Variants in MGAT4C observed in about 807,000 individuals in gnomAD.
MGAT4C encodes MGAT4 family member C.
A neutral mutation model predicts 40.1 loss-of-function variants in MGAT4C; 19 were observed. The observed-to-expected ratio is 0.47, with a 90% CI of 0.33 to 0.70. The LOEUF is 0.70. Ranked by LOEUF, MGAT4C falls within the 30% of genes least tolerant of loss-of-function variation. The pLI is 0.02. For synonymous variants in MGAT4C, 181 were observed against 187.1 expected (o/e 0.97, Z 0.27); for missense variants, 491 against 563.2 (o/e 0.87, Z 1.30).
At chr12:86,758,060 G>A (rs1177790053) in intron 1 of MGAT4C, among the ~76,000 whole-genome samples, 1 of 151,986 alleles carries the variant, frequency 6.6e-6, no homozygotes, top group Admixed American at 6.6e-5. Flanking sequence ...ATATTATATT[G>A]AGCACAATCC....
chr12:86,194,131 C>G (rs969011495), intron 1 of MGAT4C, among the ~76,000 whole-genome samples: 5 of 152,110 alleles, frequency 3.3e-5, no homozygotes. Context: ...AACTCTTACT[C>G]TATGTTCTTA....
chr12:86,482,932 T>A (rs1957960510), intron 2 of MGAT4C, among the ~76,000 whole-genome samples: 1 of 152,244 alleles, frequency 6.6e-6, no homozygotes, highest in Non-Finnish European at 1.5e-5. Flanking sequence ...CTAATATTTC[T>A]TTCTTGTATT....
intron 1 of MGAT4C, among the ~76,000 whole-genome samples, chr12:86,153,567 AG>A (rs1304473063): frequency 6.6e-6 from 1 of 152,208 alleles, no homozygotes; most frequent in African/African-American, 2.4e-5. Context: ...CCATGCATCC[AG>A]GTAGGGACCT....
At chr12:86,464,786 A>G (rs1957655779) in intron 2 of MGAT4C, among the ~76,000 whole-genome samples, 1 of 152,180 alleles carries the variant, frequency 6.6e-6, no homozygotes, top group Admixed American at 6.5e-5. Flanking sequence ...TATATTAACT[A>G]TGAAAGATAA....
At chr12:86,376,789 A>G (rs376635012) in intron 3 of MGAT4C, among the ~76,000 whole-genome samples, 4 of 145,456 alleles carry the variant, frequency 2.7e-5, no homozygotes, top group South Asian at 2.3e-4. Context: ...AGAGAGAGAG[A>G]CAGAGAGAGA....
rs560751374 is a variant in MGAT4C, at chr12:86,749,412, T to G, written c.-261-22171A>C. On this transcript the variant is annotated intron_variant, in intron 1 of 7. Coordinates refer to the MGAT4C transcript ENST00000548651. ...AGATGTCTAATGTAAACCCTATACC[T>G]TCATTCAATTGTTTTATGAGGAAAT... Among the ~76,000 whole-genome samples the G allele has an allele frequency of 1.3e-4, 19 of 151,834 alleles. 1 individual carries two copies. In the South Asian group the frequency reaches 3.7e-3, roughly 30 times the overall value.
chr12:86,197,313 A>G (rs1486872280), intron 1 of MGAT4C, among the ~76,000 whole-genome samples: 2 of 152,206 alleles, frequency 1.3e-5, no homozygotes, highest in African/African-American at 2.4e-5. Flanking sequence ...ATTTATCTGT[A>G]TATATGTATG....
rs144035235 is a variant in MGAT4C, at chr12:86,621,038, C to T, written c.-229+106171G>A. ...CAGGTATGGTATGTCTTCATATCAA[C>T]GTGAGAATGAACTAATATGTCCATG... On this transcript the variant is annotated intron_variant, in intron 2 of 7. Coordinates refer to the MGAT4C transcript ENST00000548651. Among the ~76,000 whole-genome samples, 104 of 152,098 alleles carry T rather than the reference C, an allele frequency of 6.8e-4. 2 individuals carry two copies. The highest frequency in any genetic ancestry group is 2.3e-3 in the African/African-American group (97 of 41,492).
intron 3 of MGAT4C, among the ~76,000 whole-genome samples, chr12:86,391,611 T>C (rs1461679685): frequency 2.6e-5 from 4 of 152,050 alleles, no homozygotes; most frequent in Non-Finnish European, 4.4e-5. Context: ...GTAATCCCAC[T>C]ACTTTGGGAG....
chr12:86,552,755 A>T (rs951387160), intron 2 of MGAT4C, among the ~76,000 whole-genome samples: 1 of 152,174 alleles, frequency 6.6e-6, no homozygotes. Flanking sequence ...AATGTCTGTG[A>T]AATAAGCTAT....
intron 1 of MGAT4C, among the ~76,000 whole-genome samples, chr12:86,819,590 A>T (rs1331978252): frequency 6.6e-6 from 1 of 150,918 alleles, no homozygotes; most frequent in Non-Finnish European, 1.5e-5. Flanking sequence ...AAAGCATAAA[A>T]GTTATTTCTT....
At chr12:86,706,582 A>C (rs1294069019) in intron 2 of MGAT4C, among the ~76,000 whole-genome samples, 4 of 152,098 alleles carry the variant, frequency 2.6e-5, no homozygotes, top group Admixed American at 2.6e-4. Flanking sequence ...ATAATAAAAT[A>C]TTAATTTCCC....
intron 2 of MGAT4C, among the ~76,000 whole-genome samples, chr12:86,708,720 G>C (rs762220521): frequency 1.3e-5 from 2 of 152,154 alleles, no homozygotes; most frequent in African/African-American, 4.8e-5. Context: ...GGAGTCAAAG[G>C]AGATCATTTT....
intron 2 of MGAT4C, among the ~76,000 whole-genome samples, chr12:86,675,806 A>G (rs192877282): frequency 6.6e-6 from 1 of 152,246 alleles, no homozygotes; most frequent in African/African-American, 2.4e-5. Context: ...CACCTTAAAT[A>G]TTTGTCTTTT....
At chr12:86,328,912 T>C (rs1954587792) in intron 4 of MGAT4C, among the ~76,000 whole-genome samples, 1 of 151,470 alleles carries the variant, frequency 6.6e-6, no homozygotes, top group Admixed American at 6.6e-5. Context: ...AAGACTAGCC[T>C]GGCCAACATG....
intron 2 of MGAT4C, among the ~76,000 whole-genome samples, chr12:86,688,566 G>A (rs1322090085): frequency 3.9e-5 from 6 of 152,120 alleles, no homozygotes; most frequent in Non-Finnish European, 5.9e-5. Context: ...CTCAGCAGTT[G>A]CTTGTCTGTG....
At chr12:86,210,522 C>G (rs140902113) in intron 1 of MGAT4C, among the ~76,000 whole-genome samples, 1 of 152,268 alleles carries the variant, frequency 6.6e-6, no homozygotes, top group Non-Finnish European at 1.5e-5. Context: ...CACTCCAGAC[C>G]TTGGTCCTCA....
At chr12:86,037,274 C>T (rs1250092213) in intron 2 of MGAT4C, among the ~76,000 whole-genome samples, 1 of 149,394 alleles carries the variant, frequency 6.7e-6, no homozygotes, top group African/African-American at 2.4e-5. Context: ...AAGAGTTTTT[C>T]GTGTTTCTAT....
At chr12:86,040,772 G>A (rs574199752) in intron 2 of MGAT4C, among the ~76,000 whole-genome samples, 14 of 152,240 alleles carry the variant, frequency 9.2e-5, no homozygotes, top group Middle Eastern at 3.4e-3. Flanking sequence ...CTCAGTGTCC[G>A]CCCAAACTGC....
Sources: gnomAD v4.1 joint callset for allele counts (sites outside exome capture counted in the v4.1 genomes callset) on GRCh38, gnomAD v4.1.1 for gene constraint, MANE v1.5 for transcripts, NCBI Gene and HGNC (gene_info 2026-07-23, HGNC 2026-07-21) for gene names.